CNTNAP2: variants seen among roughly 807,000 people sequenced by gnomAD.
CNTNAP2 encodes contactin-associated protein-like 2.
Under a neutral mutation model 155.2 loss-of-function variants are expected in CNTNAP2, and 98 were observed. The observed-to-expected ratio is 0.63, with a 90% CI of 0.54 to 0.75. The LOEUF (loss-of-function observed/expected upper bound fraction) is 0.75. CNTNAP2 is among the 30% of genes least tolerant of loss of function. The pLI is 0.00. For synonymous variants in CNTNAP2, 651 were observed against 631.2 expected, an observed-to-expected ratio of 1.03 and a Z score of -0.47; for missense variants, 1,727 against 1,688.1, an observed-to-expected ratio of 1.02 and a Z score of -0.40.
intron 12 of CNTNAP2, among the ~76,000 whole-genome samples, chr7:147,615,008 C>G (rs986580038): frequency 6.7e-6 from 1 of 150,182 alleles, no homozygotes; most frequent in African/African-American, 2.4e-5. Flanking sequence ...GTCTCAGTAA[C>G]TTGGGAGGCC....
At chr7:146,826,617 G>T (rs533691289) in intron 2 of CNTNAP2, among the ~76,000 whole-genome samples, 1 of 151,970 alleles carries the variant, frequency 6.6e-6, no homozygotes, top group South Asian at 2.1e-4. Context: ...TCACAGGAGG[G>T]GATGTGCTAA....
Position 147,562,221 on chromosome 7 carries a change from C to A in CNTNAP2, c.1861C>A (p.Pro621Thr), listed in dbSNP as rs779028422. ...CTGGATAGATCCTGATGGCAGCGGA[C>A]CTCTGGGGCCTCTGAAAGTTTACTG... Reference protein sequence around the residue: ...YYWIDPDGSGPLGPLKVYCNM... With the variant: ...YYWIDPDGSGTLGPLKVYCNM... Residue 621 changes from proline to threonine, a missense_variant, in exon 12 of 24, where the codon CCT (proline) becomes ACT (threonine). Pro to Thr is a conservative substitution (Grantham distance 38). Transcript: ENST00000361727. 2.5e-6 allele frequency: 4 copies of A among 1,613,974 alleles called. No individual in the cohort carries two copies. The highest frequency in any genetic ancestry group is 3.4e-6 in the Non-Finnish European group (4 of 1,179,914).
intron 1 of CNTNAP2, among the ~76,000 whole-genome samples, chr7:146,588,427 T>C (rs1358772460): frequency 1.3e-5 from 2 of 152,186 alleles, no homozygotes; most frequent in Middle Eastern, 3.2e-3. Context: ...AATATTTTTC[T>C]GTCATTTCAA....
chr7:146,718,293 A>G (rs1194619946), intron 1 of CNTNAP2, among the ~76,000 whole-genome samples: 1 of 152,192 alleles, frequency 6.6e-6, no homozygotes, highest in Admixed American at 6.5e-5. Context: ...TTGAATTTCT[A>G]CTTTTCTTCT....
At chr7:146,599,676 T>C (rs1031539934) in intron 1 of CNTNAP2, among the ~76,000 whole-genome samples, 1 of 151,900 alleles carries the variant, frequency 6.6e-6, no homozygotes, top group Non-Finnish European at 1.5e-5. Context: ...TTTTGGTTGC[T>C]TGTGTGAGCC....
chr7:147,890,799 G>A (rs916289005), intron 13 of CNTNAP2, among the ~76,000 whole-genome samples: 1 of 152,172 alleles, frequency 6.6e-6, no homozygotes, highest in East Asian at 1.9e-4. Flanking sequence ...CAGAGGCTAG[G>A]GAATGGGAGG....
chr7:146,520,580 T>G (rs1797603886), intron 1 of CNTNAP2, among the ~76,000 whole-genome samples: 1 of 151,720 alleles, frequency 6.6e-6, no homozygotes, highest in Non-Finnish European at 1.5e-5. Context: ...TGCAACTGCT[T>G]CTTCCTAGGT....
At chr7:148,199,345 G>A (rs1178801653) in intron 18 of CNTNAP2, among the ~76,000 whole-genome samples, 1 of 152,154 alleles carries the variant, frequency 6.6e-6, no homozygotes, top group African/African-American at 2.4e-5. Flanking sequence ...ATTTCAAGCA[G>A]GCTTATATTG....
chr7:147,376,804 A>T (rs2116924108), intron 9 of CNTNAP2, among the ~76,000 whole-genome samples: 1 of 152,108 alleles, frequency 6.6e-6, no homozygotes, highest in Non-Finnish European at 1.5e-5. Context: ...AGACACCAGC[A>T]CCTTGAAGCC....
intron 16 of CNTNAP2, among the ~76,000 whole-genome samples, chr7:148,132,916 G>A (rs1019138833): frequency 2.6e-5 from 4 of 151,896 alleles, no homozygotes; most frequent in Non-Finnish European, 4.4e-5. Context: ...AATATATTAC[G>A]GCCTATATTT....
rs114768197 is a variant in CNTNAP2 at position 147,450,152 on chromosome 7, T to C, written c.1671-35783T>C. Reference sequence around the variant, plus strand: ...TCAGCCGAATGTAATCACATCACTCTATAAAAGCAAAGAACGTTTTTTTCC... The same window carrying C: ...TCAGCCGAATGTAATCACATCACTCCATAAAAGCAAAGAACGTTTTTTTCC... On this transcript the variant is annotated intron_variant, in intron 10 of 23. Transcript: ENST00000361727. Among the ~76,000 whole-genome samples, 458 of 152,326 alleles carry C rather than the reference T, an allele frequency of 3.0e-3. 5 individuals carry two copies. The highest frequency in any genetic ancestry group is 0.011 in the African/African-American group (441 of 41,552).
intron 21 of CNTNAP2, among the ~76,000 whole-genome samples, chr7:148,331,164 C>T (rs368554180): frequency 0.092 from 11,015 of 119,602 alleles, 521 homozygotes; most frequent in African/African-American, 0.12. Context: ...ATGGAATGGA[C>T]GGATGGAATG....
At chr7:146,985,448 G>C (rs1798098845) in intron 3 of CNTNAP2, among the ~76,000 whole-genome samples, 2 of 151,396 alleles carry the variant, frequency 1.3e-5, no homozygotes, top group South Asian at 4.2e-4. Flanking sequence ...CTCCCAAGTA[G>C]CTGGGACTAC....
At chr7:147,787,469 G>A (rs1797757787) in intron 13 of CNTNAP2, among the ~76,000 whole-genome samples, 1 of 152,180 alleles carries the variant, frequency 6.6e-6, no homozygotes, top group Admixed American at 6.5e-5. Context: ...TTCCAAAATA[G>A]TCATTGTATA....
chr7:148,344,051 G>C (rs1585291891), intron 21 of CNTNAP2, among the ~76,000 whole-genome samples: 1 of 152,212 alleles, frequency 6.6e-6, no homozygotes, highest in African/African-American at 2.4e-5. Context: ...AGTGCCTTGG[G>C]TGAGAGCGTT....
rs1584776393 is a variant in CNTNAP2 at position 147,181,528 on chromosome 7, T to C, written c.1348+49019T>C. On this transcript the variant is annotated intron_variant, in intron 8 of 23. Coordinates refer to ENST00000361727, the MANE Select transcript of CNTNAP2 (RefSeq NM_014141.6). ...TTAATATTTGTAAACTTTCATAACC[T>C]ATCACTGATATTTACTAAAGAAGAG... Among the ~76,000 whole-genome samples the C allele has an allele frequency of 2.0e-5, 3 of 152,234 alleles. No homozygotes were observed. In the East Asian group the frequency reaches 5.8e-4, roughly 29 times the overall value.
chr7:147,802,255 G>T (rs1454171972), intron 13 of CNTNAP2, among the ~76,000 whole-genome samples: 1 of 150,120 alleles, frequency 6.7e-6, no homozygotes, highest in Admixed American at 6.6e-5. Flanking sequence ...TCCCAGATGG[G>T]ATGGCGGCCG....
intron 19 of CNTNAP2, 133 bp from the exon 20 acceptor site, chr7:148,229,513 A>ACTC (rs1256777663): frequency 8.2e-7 from 1 of 1,213,944 alleles, no homozygotes; most frequent in Non-Finnish European, 1.2e-6. Context: ...CAAGAGCAAG[A>ACTC]CTCCGTCAAA....
intron 18 of CNTNAP2, among the ~76,000 whole-genome samples, chr7:148,214,633 G>A (rs183816812): frequency 9.9e-5 from 15 of 152,178 alleles, no homozygotes; most frequent in Admixed American, 2.0e-4. Flanking sequence ...ATGCAGTGGC[G>A]GATCTCGGCT....
Sources: allele counts gnomAD v4.1 joint callset (sites outside exome capture counted in the v4.1 genomes callset), GRCh38; gene constraint gnomAD v4.1.1; transcripts MANE v1.5; gene names NCBI Gene and HGNC (gene_info 2026-07-23, HGNC 2026-07-21).